Variants in FOXI1 observed in about 807,000 individuals in gnomAD.
FOXI1 encodes forkhead box I1.
Under a neutral mutation model 16.4 loss-of-function variants are expected in FOXI1, and 11 were observed. The ratio of observed to expected loss-of-function variants is 0.67; its 90% CI spans 0.42 to 1.11. FOXI1 has a LOEUF of 1.11. FOXI1 is among the 50% of genes least tolerant of loss of function. The pLI is 0.00. For missense variants in FOXI1, 480 were observed against 506.1 expected (o/e 0.95, Z 0.49); for synonymous variants, 218 against 211.5 (o/e 1.03, Z -0.27).
rs1758482191 is a variant in FOXI1, at chr5:170,106,255, T to A, written c.298T>A (p.Ser100Thr). ...GCAGAGGCCGCTGCTGCCCAGCGTG[T>A]CGGGGCTTGGGGGGAGCGACCTGGG... is the stretch of plus-strand genomic sequence containing the variant. ...GVQRPLLPSV[S>T]GLGGSDLGWL... The change falls in exon 1 of 2, where the codon TCG becomes ACG. Residue 100 changes from serine to threonine, a missense_variant. This residue lies in a region of FOXI1 where 219 missense variants were observed against 222.9 expected (regional missense o/e 0.98). Coordinates refer to ENST00000306268, the MANE Select transcript of FOXI1 (RefSeq NM_012188.5). The A allele has an allele frequency of 6.3e-7, 1 of 1,581,022 alleles. No individual in the cohort carries two copies. Among genetic ancestry groups the A allele is most frequent in the South Asian group, 1.1e-5 (1 of 87,302 alleles).
In FOXI1 at chr5:170,106,291, A is replaced by T; in HGVS notation, c.334A>T (p.Ile112Phe). The T allele has an allele frequency of 6.3e-7, 1 of 1,585,644 alleles. No individual in the cohort carries two copies. Among genetic ancestry groups the T allele is most frequent in the Admixed American group, 1.8e-5 (1 of 55,396 alleles). ...GGGGAGCGACCTGGGCTGGCTGCCC[A>T]TCCCCTCGCAGGAGGAGCTGATGAA... ...LGGSDLGWLPIPSQEELMKLV... is the reference protein window; with the variant it reads ...LGGSDLGWLPFPSQEELMKLV... Residue 112 changes from isoleucine (I) to phenylalanine (F), a missense_variant, in exon 1 of 2, where the codon ATC (isoleucine) becomes TTC (phenylalanine). Physicochemically the swap from Ile to Phe is conservative, Grantham distance 21 (BLOSUM62 0). Around this residue, in one of 3 missense-constraint regions of FOXI1, gnomAD observed 219 missense variants for 222.9 expected, o/e 0.98. Coordinates refer to ENST00000306268, the MANE Select transcript of FOXI1 (RefSeq NM_012188.5).
chr5:170,108,054 G>A lies in FOXI1; in HGVS notation c.580G>A (p.Gly194Arg). 1 of 1,613,492 alleles carries A rather than the reference G, an allele frequency of 6.2e-7. No individual in the cohort carries two copies. Among genetic ancestry groups the A allele is most frequent in the Non-Finnish European group, 8.5e-7 (1 of 1,179,492 alleles). The change falls in exon 2 of 2, where the codon GGG (glycine) becomes AGG (arginine). Residue 194 changes from glycine (G) to arginine (R), a missense_variant. Gly to Arg is a moderately radical substitution (Grantham distance 125). This residue lies in a region of FOXI1 where 257 missense variants were observed against 262.2 expected (regional missense o/e 0.98). Coordinates refer to ENST00000306268, the MANE Select transcript of FOXI1 (RefSeq NM_012188.5). ...CCCTTTCACTTTTGTATCAGGCAAA[G>A]GGAATTACTGGACCCTGGACCCCAA... ...VPRDEDDPGK[G>R]NYWTLDPNCE...
Position 170,106,443 on chromosome 5 carries a change from G to T in FOXI1, c.486G>T (p.Lys162Asn). ...YVADNFPFYNKSKAGWQNSIR... is the reference protein window; with the variant it reads ...YVADNFPFYNNSKAGWQNSIR... ...CCGACAACTTCCCCTTCTACAACAA[G>T]AGCAAGGCCGGCTGGCAGAACTCCA... Residue 162 changes from lysine to asparagine, a missense_variant, in exon 1 of 2, where the codon AAG becomes AAT. This residue lies in a region of FOXI1 where 219 missense variants were observed against 222.9 expected (regional missense o/e 0.98). Transcript: ENST00000306268. 6.2e-7 allele frequency: 1 copy of T among 1,614,254 alleles called. No homozygotes were observed. Among genetic ancestry groups the T allele is most frequent in the South Asian group, 1.1e-5 (1 of 91,086 alleles).
rs1477458342 is a variant in FOXI1, at chr5:170,108,635, G to T, written c.*24G>T. ...AGGTACAGAACAGCTCCTGAGCCAG[G>T]TGGACATGCCAGAGAGAAAAGCAGT... is the stretch of plus-strand genomic sequence containing the variant. On this transcript the variant is annotated 3_prime_UTR_variant, in exon 2 of 2. Coordinates refer to ENST00000306268, the MANE Select transcript of FOXI1 (RefSeq NM_012188.5). 1.3e-6 allele frequency: 2 copies of T among 1,577,358 alleles called. No homozygotes were observed. Among genetic ancestry groups the T allele is most frequent in the African/African-American group, 2.7e-5 (2 of 74,212 alleles).
At position 170,108,470 on chromosome 5, in the gene FOXI1, C is replaced by G; in HGVS notation, c.996C>G (p.Ser332Arg). The G allele has an allele frequency of 6.2e-7, 1 of 1,601,886 alleles. No homozygotes were observed. ...CGCTCACCAACCTCAGCAACCACAG[C>G]GGTGGGGGTGACTGGGCGAACCCCA... ...FSPLTNLSNH[S>R]GGGDWANPMP... Residue 332 changes from serine to arginine, a missense_variant, in exon 2 of 2, where the codon AGC becomes AGG. Ser to Arg is a moderately radical substitution (Grantham distance 110). Transcript: ENST00000306268.
At chr5:170,107,414 G>C (rs1758523306) in intron 1 of FOXI1, among the ~76,000 whole-genome samples, 1 of 152,160 alleles carries the variant, frequency 6.6e-6, no homozygotes. Context: ...CCAGAAGAGG[G>C]CAAGTGTCCT....
chr5:170,108,718 A>G lies in FOXI1; in HGVS notation c.*107A>G, dbSNP rs1263938456. ...ATGACTGCGGAACTGCCCAGACATA[A>G]GCAGGAGCCTCCGAGGAATCCACCC... On this transcript the variant is annotated 3_prime_UTR_variant, in exon 2 of 2. Transcript: ENST00000306268. The G allele has an allele frequency of 2.3e-6, 2 of 871,298 alleles. No individual in the cohort carries two copies. The highest frequency in any genetic ancestry group is 3.9e-6 in the Non-Finnish European group (2 of 513,682). The allele number at this position is 871,298 out of a possible 1,614,324, so 54.0% of individuals were successfully genotyped here. A position where few individuals can be genotyped will look rare whatever the true frequency, so the allele number is the denominator to read the frequency against.
At position 170,108,701 on chromosome 5, in the gene FOXI1, G is replaced by A. The variant is rs966486388; in HGVS notation, c.*90G>A. The A allele has an allele frequency of 2.8e-5, 28 of 1,010,326 alleles. No homozygotes were observed. Among genetic ancestry groups the A allele is most frequent in the African/African-American group, 1.9e-4 (12 of 63,346 alleles). The allele number at this position is 1,010,326 out of a possible 1,614,324, so 62.6% of individuals were successfully genotyped here. A position where few individuals can be genotyped will look rare whatever the true frequency, so the allele number is the denominator to read the frequency against. On this transcript the variant is annotated 3_prime_UTR_variant, in exon 2 of 2. Coordinates refer to ENST00000306268, the MANE Select transcript of FOXI1 (RefSeq NM_012188.5). ...CAGCCCCACGGTGGTCCATGACTGCGGAACTGCCCAGACATAAGCAGGAGC... is the reference window on the plus strand; with the variant it reads ...CAGCCCCACGGTGGTCCATGACTGCAGAACTGCCCAGACATAAGCAGGAGC...
At position 170,108,221 on chromosome 5, in the gene FOXI1, G is replaced by C. The variant is rs763132276; in HGVS notation, c.747G>C (p.Gln249His). ...ACAGCCCCAAGACCACGGAGCCTCA[G>C]GACATCTTGGATGGAGCCTCACCAG... is the stretch of plus-strand genomic sequence containing the variant. ...PVDSPKTTEP[Q>H]DILDGASPGG... Residue 249 changes from glutamine to histidine, a missense_variant, in exon 2 of 2, where the codon CAG becomes CAC. By Grantham distance (24) the Gln-to-His change is conservative. Coordinates refer to ENST00000306268, the MANE Select transcript of FOXI1 (RefSeq NM_012188.5). 6.2e-7 allele frequency: 1 copy of C among 1,614,202 alleles called. No homozygotes were observed. Among genetic ancestry groups the C allele is most frequent in the South Asian group, 1.1e-5 (1 of 91,078 alleles).
rs1283676199 is a variant in FOXI1 at position 170,108,605 on chromosome 5, G to A, written c.1131G>A (p.Glu377=). Residue 377 remains glutamate (E), a synonymous_variant, in exon 2 of 2, where the codon GAG becomes GAA. Transcript: ENST00000306268. Reference sequence around the variant, plus strand: ...TCCTCTACCCCAGGGAGGGCACCGAGGTCTAGGTACAGAACAGCTCCTGAG... The same window carrying A: ...TCCTCTACCCCAGGGAGGGCACCGAAGTCTAGGTACAGAACAGCTCCTGAG... ...SGVLYPREGT[E]V is the part of the protein sequence containing the mutation. 1 of 1,612,346 alleles carries A rather than the reference G, an allele frequency of 6.2e-7. No homozygotes were observed. The highest frequency in any genetic ancestry group is 1.7e-5 in the Admixed American group (1 of 60,016).
rs751432686 is a variant in FOXI1, at chr5:170,106,299, G to A, written c.342G>A (p.Ser114=). 3 of 1,588,134 alleles carry A rather than the reference G, an allele frequency of 1.9e-6. No homozygotes were observed. The highest frequency in any genetic ancestry group is 1.3e-5 in the African/African-American group (1 of 74,244). ...ACCTGGGCTGGCTGCCCATCCCCTC[G>A]CAGGAGGAGCTGATGAAGCTGGTGC... ...GSDLGWLPIP[S]QEELMKLVRP... The change falls in exon 1 of 2, where the codon TCG becomes TCA. Residue 114 remains serine, a synonymous_variant. Transcript: ENST00000306268.
At position 170,108,191 on chromosome 5, in the gene FOXI1, G is replaced by A. The variant is rs549569147; in HGVS notation, c.717G>A (p.Pro239=). Residue 239 remains proline (P), a synonymous_variant, in exon 2 of 2, where the codon CCG becomes CCA. Coordinates refer to ENST00000306268, the MANE Select transcript of FOXI1 (RefSeq NM_012188.5). ...TAGAGAAGACAGAGAGCAGTCTCCCGGTGGACAGCCCCAAGACCACGGAGC... is the reference window on the plus strand; with the variant it reads ...TAGAGAAGACAGAGAGCAGTCTCCCAGTGGACAGCCCCAAGACCACGGAGC... The part of the protein sequence containing the change: ...LALEKTESSL[P]VDSPKTTEPQ... The A allele has an allele frequency of 1.2e-4, 196 of 1,614,162 alleles. No homozygotes were observed. In the Middle Eastern group the frequency reaches 1.6e-3, roughly 14 times the overall value.
chr5:170,107,275 T>G (rs1184362443), intron 1 of FOXI1, among the ~76,000 whole-genome samples: 1 of 152,232 alleles, frequency 6.6e-6, no homozygotes, highest in Non-Finnish European at 1.5e-5. Flanking sequence ...AGGCATGTAT[T>G]AAATACTCAT....
Position 170,108,644 on chromosome 5 carries a change from C to A in FOXI1, c.*33C>A, listed in dbSNP as rs577243177. The A allele has an allele frequency of 1.9e-6, 3 of 1,549,442 alleles. No individual in the cohort carries two copies. The highest frequency in any genetic ancestry group is 2.7e-6 in the Non-Finnish European group (3 of 1,122,082). Reference sequence around the variant, plus strand: ...ACAGCTCCTGAGCCAGGTGGACATGCCAGAGAGAAAAGCAGTAGAGGTCCT... The same window carrying A: ...ACAGCTCCTGAGCCAGGTGGACATGACAGAGAGAAAAGCAGTAGAGGTCCT... On this transcript the variant is annotated 3_prime_UTR_variant, in exon 2 of 2. Transcript: ENST00000306268.
intron 1 of FOXI1, 102 bp from the exon 2 acceptor site, chr5:170,107,947 C>T (rs1758541865): frequency 2.2e-6 from 2 of 895,198 alleles, no homozygotes; most frequent in South Asian, 2.8e-5. Context: ...TCTCTGTCTT[C>T]CTGCATCTGT....
At position 170,108,768 on chromosome 5, in the gene FOXI1, T is replaced by C; in HGVS notation, c.*157T>C. On this transcript the variant is annotated 3_prime_UTR_variant, in exon 2 of 2. Coordinates refer to ENST00000306268, the MANE Select transcript of FOXI1 (RefSeq NM_012188.5). ...CTCTTTCTAGAACACTGGTTAAGGC[T>C]TCTGTTTATCACACATAGGCCCACA... 1 of 662,520 alleles carries C rather than the reference T, an allele frequency of 1.5e-6. No individual in the cohort carries two copies. Among genetic ancestry groups the C allele is most frequent in the African/African-American group, 1.8e-5 (1 of 55,826 alleles). The allele number at this position is 662,520 out of a possible 1,614,324, so 41.0% of individuals were successfully genotyped here. A position where few individuals can be genotyped will look rare whatever the true frequency, so the allele number is the denominator to read the frequency against.
At position 170,105,902 on chromosome 5, in the gene FOXI1, G is replaced by T. The variant is rs1480665203; in HGVS notation, c.-56G>T. ...GCCGGGCCTGCTGAGCACCTGTCAG[G>T]GGCAGCTCCGGGGTGCAGGTGCCAG... On this transcript the variant is annotated 5_prime_UTR_variant, in exon 1 of 2. Transcript: ENST00000306268. The T allele has an allele frequency of 1.5e-6, 2 of 1,333,586 alleles. No individual in the cohort carries two copies. Among genetic ancestry groups the T allele is most frequent in the Middle Eastern group, 2.0e-4 (1 of 5,040 alleles). The allele number at this position is 1,333,586 out of a possible 1,614,324, so 82.6% of individuals were successfully genotyped here.
Position 170,108,296 on chromosome 5 carries a change from C to T in FOXI1, c.822C>T (p.Gly274=), listed in dbSNP as rs149203108. 6.1e-4 allele frequency: 981 copies of T among 1,614,130 alleles called. 2 individuals carry two copies. Among genetic ancestry groups the T allele is most frequent in the Non-Finnish European group, 5.3e-4 (625 of 1,180,022 alleles). The change falls in exon 2 of 2, where the codon GGC becomes GGT. Residue 274 remains glycine (G), a synonymous_variant. Coordinates refer to ENST00000306268, the MANE Select transcript of FOXI1 (RefSeq NM_012188.5). The part of the protein sequence containing the change: ...PEKRPSPPPS[G]APCLNSFLSS... ...AGCGGCCCTCCCCTCCCCCATCAGGCGCCCCTTGCCTTAACAGCTTCCTTT... is the reference window on the plus strand; with the variant it reads ...AGCGGCCCTCCCCTCCCCCATCAGGTGCCCCTTGCCTTAACAGCTTCCTTT...
Position 170,106,268 on chromosome 5 carries a change from G to A in FOXI1, c.311G>A (p.Gly104Glu), listed in dbSNP as rs868704936. 2 of 1,580,112 alleles carry A rather than the reference G, an allele frequency of 1.3e-6. No homozygotes were observed. Among genetic ancestry groups the A allele is most frequent in the Non-Finnish European group, 1.7e-6 (2 of 1,163,104 alleles). ...CTGCCCAGCGTGTCGGGGCTTGGGG[G>A]GAGCGACCTGGGCTGGCTGCCCATC... ...PLLPSVSGLG[G>E]SDLGWLPIPS... Residue 104 changes from glycine to glutamate, a missense_variant, in exon 1 of 2, where the codon GGG (glycine) becomes GAG (glutamate). By Grantham distance (98) the Gly-to-Glu change is moderately conservative. Transcript: ENST00000306268.
Sources: gnomAD v4.1 joint callset for allele counts (sites outside exome capture counted in the v4.1 genomes callset) on GRCh38, gnomAD v4.1.1 for gene constraint, gnomAD v4.1.1 regional missense constraint, MANE v1.5 for transcripts, NCBI Gene and HGNC (gene_info 2026-07-23, HGNC 2026-07-21) for gene names.